Variants in ADGRV1 observed in about 807,000 individuals in gnomAD.
ADGRV1 encodes adhesion G protein-coupled receptor V1.
ADGRV1 carries 359 observed loss-of-function variants against 596.2 expected under a neutral mutation model. That is an observed-to-expected ratio of 0.60 (90% CI 0.55 to 0.66). The LOEUF is 0.66. Ranked by LOEUF, ADGRV1 falls within the 30% of genes least tolerant of loss-of-function variation. The probability of loss-of-function intolerance (pLI) is 0.00; values close to 1 mark genes in which losing one functional copy is unlikely to be tolerated. For missense variants in ADGRV1, 7,274 were observed against 7,575.6 expected, an observed-to-expected ratio of 0.96 and a Z score of 1.48; for synonymous variants, 2,681 against 2,679.2, an observed-to-expected ratio of 1.00 and a Z score of -0.02.
chr5:90,687,584 A>G (rs1404085940), intron 29 of ADGRV1, among the ~76,000 whole-genome samples: 2 of 152,306 alleles, frequency 1.3e-5, no homozygotes, highest in East Asian at 3.9e-4. Flanking sequence ...AAGGGTATTC[A>G]GTTAGGAAAA....
intron 45 of ADGRV1, 94 bp downstream of exon 45, chr5:90,721,153 A>G: frequency 9.3e-7 from 1 of 1,077,454 alleles, no homozygotes; most frequent in Admixed American, 2.5e-5. Flanking sequence ...TATGTTATTG[A>G]TCATTTGAAA....
intron 83 of ADGRV1, among the ~76,000 whole-genome samples, chr5:90,916,631 A>ATCT (rs574983785): frequency 2.3e-4 from 29 of 124,686 alleles, no homozygotes; most frequent in Non-Finnish European, 3.4e-4. Context: ...GCGTTCACAA[A>ATCT]TTTTTTTTTT....
chr5:90,983,235 G>A (rs1010618338), intron 84 of ADGRV1, among the ~76,000 whole-genome samples: 2 of 152,184 alleles, frequency 1.3e-5, no homozygotes, highest in African/African-American at 4.8e-5. Flanking sequence ...TGGGACAGAA[G>A]CACTGCATGT....
chr5:90,945,556 C>G (rs1776500568), intron 83 of ADGRV1, among the ~76,000 whole-genome samples: 1 of 152,154 alleles, frequency 6.6e-6, no homozygotes, highest in Non-Finnish European at 1.5e-5. Flanking sequence ...AGACTAAAAT[C>G]AAACTCCACT....
At chr5:90,721,525 A>AAATT (rs1349650939) in intron 45 of ADGRV1, among the ~76,000 whole-genome samples, 14 of 80,658 alleles carry the variant, frequency 1.7e-4, no homozygotes, top group African/African-American at 5.6e-4. Context: ...AAAATAAAAT[A>AAATT]AAAATAAAAA....
intron 73 of ADGRV1, among the ~76,000 whole-genome samples, chr5:90,809,293 T>TACACACACACACACAC (rs60659185): frequency 0.27 from 36,084 of 134,218 alleles, 5,362 homozygotes; most frequent in Non-Finnish European, 0.31. Context: ...CGGGCATAAA[T>TACACACACACACACAC]ACACACACAC....
chr5:90,825,482 A>C (rs938652958), intron 76 of ADGRV1, among the ~76,000 whole-genome samples: 5 of 152,240 alleles, frequency 3.3e-5, no homozygotes, highest in African/African-American at 1.2e-4. Context: ...TGTTTTGCAT[A>C]CATGATTACT....
intron 83 of ADGRV1, among the ~76,000 whole-genome samples, chr5:90,951,508 C>T (rs1481327024): frequency 6.6e-6 from 1 of 151,974 alleles, no homozygotes; most frequent in Non-Finnish European, 1.5e-5. Context: ...TCACTGTTTA[C>T]TCCTAAAAAC....
intron 59 of ADGRV1, among the ~76,000 whole-genome samples, chr5:90,764,977 A>G (rs941098879): frequency 2.6e-5 from 4 of 152,106 alleles, no homozygotes; most frequent in Admixed American, 2.0e-4. Flanking sequence ...CTTGGCAGTC[A>G]GGAGATTGTC....
chr5:90,962,629 C>T (rs959318962), intron 83 of ADGRV1, among the ~76,000 whole-genome samples: 17 of 152,052 alleles, frequency 1.1e-4, no homozygotes, highest in African/African-American at 4.1e-4. Flanking sequence ...ACATTTAATA[C>T]CTAGTTCTCC....
intron 78 of ADGRV1, among the ~76,000 whole-genome samples, chr5:90,841,623 T>C (rs1765438807): frequency 6.6e-6 from 1 of 152,104 alleles, no homozygotes; most frequent in Admixed American, 6.6e-5. Context: ...AAGATATCTA[T>C]AAAGTTATTA....
chr5:90,826,924 T>C (rs80000082), intron 76 of ADGRV1, among the ~76,000 whole-genome samples: 1,530 of 152,318 alleles, frequency 0.01, 30 homozygotes, highest in African/African-American at 0.036. Context: ...TTAGAACTCA[T>C]CTCTTGAATT....
chr5:90,965,984 G>T (rs989622630), intron 84 of ADGRV1, among the ~76,000 whole-genome samples: 4 of 152,102 alleles, frequency 2.6e-5, no homozygotes, highest in Non-Finnish European at 2.9e-5. Context: ...ATGGTAGCGT[G>T]AACTAAGGAG....
intron 85 of ADGRV1, among the ~76,000 whole-genome samples, chr5:90,987,718 T>C (rs1780611640): frequency 6.6e-6 from 1 of 152,012 alleles, no homozygotes; most frequent in African/African-American, 2.4e-5. Context: ...TCATAATAGA[T>C]TGATGGTTGT....
At chr5:90,587,307 T>C (rs942185062) in intron 1 of ADGRV1, among the ~76,000 whole-genome samples, 2 of 152,160 alleles carry the variant, frequency 1.3e-5, no homozygotes, top group Non-Finnish European at 2.9e-5. Context: ...CAGTCATTCC[T>C]CTAAAAAGTG....
At chr5:90,563,793 G>A (rs1285261631) in intron 1 of ADGRV1, among the ~76,000 whole-genome samples, 2 of 152,238 alleles carry the variant, frequency 1.3e-5, no homozygotes, top group Non-Finnish European at 2.9e-5. Context: ...GTTTTGTACT[G>A]TGTGCTAATT....
At chr5:90,591,406 T>A (rs11738532) in intron 1 of ADGRV1, among the ~76,000 whole-genome samples, 29 of 151,970 alleles carry the variant, frequency 1.9e-4, no homozygotes, top group African/African-American at 6.0e-4. Flanking sequence ...AAAAAAAATA[T>A]ATATATATAT....
intron 87 of ADGRV1, among the ~76,000 whole-genome samples, chr5:91,124,063 C>T (rs780997383): frequency 2.6e-5 from 4 of 152,092 alleles, no homozygotes; most frequent in Non-Finnish European, 4.4e-5. Flanking sequence ...TTAATGAGCA[C>T]GGGTAGAAGG....
chr5:91,144,193 A>G (rs1305190213), intron 87 of ADGRV1, among the ~76,000 whole-genome samples: 2 of 152,198 alleles, frequency 1.3e-5, no homozygotes, highest in Non-Finnish European at 2.9e-5. Flanking sequence ...TATGGAGTTC[A>G]AAGCCCAGCC....
Sources: allele counts gnomAD v4.1 joint callset (sites outside exome capture counted in the v4.1 genomes callset), GRCh38; gene constraint gnomAD v4.1.1; transcripts MANE v1.5; gene names NCBI Gene and HGNC (gene_info 2026-07-23, HGNC 2026-07-21).